DOCK8: variants seen among roughly 807,000 people sequenced by gnomAD.
DOCK8 encodes dedicator of cytokinesis 8.
A neutral mutation model predicts 245.6 loss-of-function variants in DOCK8; 141 were observed. The observed-to-expected ratio is 0.57, with a 90% CI of 0.50 to 0.66. The LOEUF is 0.66. Among genes scored for constraint, DOCK8 ranks in the 30% least tolerant of loss-of-function variants. DOCK8 has a pLI of 0.00. For missense variants in DOCK8, 2,965 were observed against 2,603.4 expected (o/e 1.14, Z -3.02); for synonymous variants, 1,168 against 970.2 (o/e 1.20, Z -3.79).
At chr9:240,360 T>C (rs2047348820) in intron 1 of DOCK8, among the ~76,000 whole-genome samples, 1 of 150,392 alleles carries the variant, frequency 6.6e-6, no homozygotes, top group Non-Finnish European at 1.5e-5. Flanking sequence ...TATTAATTCC[T>C]TAAGTTCCCT....
intron 1 of DOCK8, among the ~76,000 whole-genome samples, chr9:266,840 C>G: frequency 6.6e-6 from 1 of 152,124 alleles, no homozygotes; most frequent in Non-Finnish European, 1.5e-5. Flanking sequence ...AGAAGGGTAT[C>G]TTAGCTCATT....
chr9:245,297 T>G (rs1016636400), intron 1 of DOCK8, among the ~76,000 whole-genome samples: 13 of 152,154 alleles, frequency 8.5e-5, no homozygotes, highest in Non-Finnish European at 8.8e-5. Context: ...CTCCACCTCC[T>G]GAGTTCAAGT....
chr9:447,018 G>A (rs754048430), intron 44 of DOCK8, among the ~76,000 whole-genome samples: 1 of 152,078 alleles, frequency 6.6e-6, no homozygotes, highest in African/African-American at 2.4e-5. Flanking sequence ...ACCTGCACGT[G>A]GGCAGCCCCA....
chr9:343,485 TA>T (rs140799445), intron 14 of DOCK8, among the ~76,000 whole-genome samples: 25,423 of 144,096 alleles, frequency 0.18, 2,616 homozygotes, highest in African/African-American at 0.31. Context: ...ACCCTATCTC[TA>T]AAAAAAAAAA....
chr9:249,984 A>T (rs1348667891), intron 1 of DOCK8, among the ~76,000 whole-genome samples: 1 of 152,048 alleles, frequency 6.6e-6, no homozygotes, highest in Admixed American at 6.6e-5. Flanking sequence ...AAAGCTCTAT[A>T]ATGTTGCAGG....
chr9:242,893 G>T (rs550879543), intron 1 of DOCK8, among the ~76,000 whole-genome samples: 1 of 151,766 alleles, frequency 6.6e-6, no homozygotes, highest in Admixed American at 6.6e-5. Context: ...AAAGTTGGAC[G>T]CTGTCCACTC....
chr9:359,355 C>G (rs879449466), intron 14 of DOCK8, among the ~76,000 whole-genome samples: 1 of 152,236 alleles, frequency 6.6e-6, no homozygotes, highest in Non-Finnish European at 1.5e-5. Flanking sequence ...CAAGTTAATG[C>G]ATTCTCTTCA....
At chr9:253,406 C>T (rs2047696454) in intron 1 of DOCK8, among the ~76,000 whole-genome samples, 1 of 152,160 alleles carries the variant, frequency 6.6e-6, no homozygotes, top group South Asian at 2.1e-4. Flanking sequence ...CTCAAAGCAA[C>T]TTTCTTTAGG....
chr9:403,909 T>C (rs1263309554), intron 26 of DOCK8, among the ~76,000 whole-genome samples: 15 of 87,760 alleles, frequency 1.7e-4, no homozygotes, highest in African/African-American at 1.1e-3. Context: ...TATATATATA[T>C]ATATATACAT....
At chr9:404,535 G>T (rs1311420252) in intron 26 of DOCK8, among the ~76,000 whole-genome samples, 1 of 152,118 alleles carries the variant, frequency 6.6e-6, no homozygotes, top group Non-Finnish European at 1.5e-5. Flanking sequence ...TTTCATACAG[G>T]CTCATATGAG....
Position 376,961 on chromosome 9 carries a change from C to T in DOCK8, c.2206-16C>T, listed in dbSNP as rs768960255. The T allele has an allele frequency of 1.1e-5, 17 of 1,610,008 alleles. No individual in the cohort carries two copies. The African/African-American group carries it at 1.9e-4, about 18-fold the overall frequency. On this transcript the variant is annotated splice_polypyrimidine_tract_variant and intron_variant, in intron 19 of 47. Coordinates refer to ENST00000432829, the MANE Select transcript of DOCK8 (RefSeq NM_203447.4). Reference sequence around the variant, plus strand: ...ATGGTATAAAACCCCATGAGGCCTGCCTTCTCCCTTCGCAGGACAACCACC... The same window carrying T: ...ATGGTATAAAACCCCATGAGGCCTGTCTTCTCCCTTCGCAGGACAACCACC...
At chr9:330,606 A>G (rs1219771569) in intron 9 of DOCK8, among the ~76,000 whole-genome samples, 1 of 152,180 alleles carries the variant, frequency 6.6e-6, no homozygotes, top group Non-Finnish European at 1.5e-5. Context: ...AAAAACACCT[A>G]CCCTGTACCT....
chr9:259,119 C>T (rs1429359553), intron 1 of DOCK8, among the ~76,000 whole-genome samples: 1 of 152,004 alleles, frequency 6.6e-6, no homozygotes, highest in African/African-American at 2.4e-5. Flanking sequence ...CCAGCTTGGG[C>T]AACATAGCAT....
intron 1 of DOCK8, among the ~76,000 whole-genome samples, chr9:240,964 A>G (rs1222753922): frequency 6.6e-6 from 1 of 152,118 alleles, no homozygotes. Context: ...TTTTCCTCTT[A>G]TCTTTTAGAA....
intron 1 of DOCK8, among the ~76,000 whole-genome samples, chr9:239,868 G>A (rs776640192): frequency 6.6e-6 from 1 of 151,946 alleles, no homozygotes; most frequent in Non-Finnish European, 1.5e-5. Context: ...AAATATTGTT[G>A]CATTACATTT....
At position 448,208 on chromosome 9, in the gene DOCK8, T is replaced by G. The variant is rs1423729933; in HGVS notation, c.5818-1576T>G. Reference sequence around the variant, plus strand: ...CCTGGGCTCGAGCAATTTTCCTACCTCAGCCTCCTGTGTAGCTGGGACTAC... The same window carrying G: ...CCTGGGCTCGAGCAATTTTCCTACCGCAGCCTCCTGTGTAGCTGGGACTAC... On this transcript the variant is annotated intron_variant, in intron 44 of 47. Transcript: ENST00000432829. 1.4e-4 allele frequency among the ~76,000 whole-genome samples: 22 copies of G among 152,186 alleles called. 2 individuals carry two copies. Among genetic ancestry groups the G allele is most frequent in the Admixed American group, 1.4e-3 (22 of 15,280 alleles).
chr9:356,255 G>C (rs2026641), intron 14 of DOCK8, among the ~76,000 whole-genome samples: 1 of 151,952 alleles, frequency 6.6e-6, no homozygotes, highest in Non-Finnish European at 1.5e-5. Flanking sequence ...TTGGCTGGGC[G>C]TGGTGGCTCA....
rs7028802 is a variant in DOCK8 at position 390,228 on chromosome 9, C to T, written c.2875-243C>T. Among the ~76,000 whole-genome samples, 15,965 of 152,046 alleles carry T rather than the reference C, an allele frequency of 0.11. 984 individuals carry two copies. The highest frequency in any genetic ancestry group is 0.16 in the African/African-American group (6,593 of 41,438). On this transcript the variant is annotated intron_variant, in intron 23 of 47. Coordinates refer to ENST00000432829, the MANE Select transcript of DOCK8 (RefSeq NM_203447.4). ...GTTTCACTCCCAGGCTGAGTCCACT[C>T]CCTCAGATGTGTCTGTCCTGTGCAG... is the stretch of plus-strand genomic sequence containing the variant.
chr9:395,476 C>G (rs1410898775), intron 24 of DOCK8, among the ~76,000 whole-genome samples: 5 of 152,162 alleles, frequency 3.3e-5, no homozygotes, highest in Non-Finnish European at 7.3e-5. Context: ...GAAGTCCCCT[C>G]TTCTTCCAGT....
Sources: allele counts gnomAD v4.1 joint callset (sites outside exome capture counted in the v4.1 genomes callset), GRCh38; gene constraint gnomAD v4.1.1; transcripts MANE v1.5; gene names NCBI Gene and HGNC (gene_info 2026-07-23, HGNC 2026-07-21).